The following TMEM272 variants were observed in gnomAD, a reference collection of about 807,000 sequenced individuals.
The protein encoded by TMEM272 is long intergenic non-protein coding RNA 282.
A neutral mutation model predicts 3.7 loss-of-function variants in TMEM272; 8 were observed. The ratio of observed to expected loss-of-function variants is 2.17; its 90% CI spans 1.27 to 3.91. TMEM272 has a LOEUF of 3.91. TMEM272 is among the 30% of genes most tolerant of loss of function. TMEM272 has a pLI of 0.00. For missense variants in TMEM272, 166 were observed against 91.5 expected, an observed-to-expected ratio of 1.81 and a Z score of -3.32; for synonymous variants, 63 against 39.8, an observed-to-expected ratio of 1.58 and a Z score of -2.20.
chr13:51,889,705 G>C, the TMEM272 span, among the ~76,000 whole-genome samples: 1 of 151,990 alleles, frequency 6.6e-6, no homozygotes, highest in African/African-American at 2.4e-5. Flanking sequence ...GCAATGGTGC[G>C]ATCCCGGCTC....
chr13:51,892,112 C>T, the TMEM272 span, among the ~76,000 whole-genome samples: 1 of 152,098 alleles, frequency 6.6e-6, no homozygotes, highest in East Asian at 1.9e-4. Flanking sequence ...CTGAAAGGCT[C>T]TCCTTTCCCT....
the TMEM272 span, among the ~76,000 whole-genome samples, chr13:51,906,217 C>T: frequency 1.3e-5 from 2 of 152,182 alleles, no homozygotes; most frequent in South Asian, 2.1e-4. Flanking sequence ...CTCCCTGAGG[C>T]ATCTAATTCA....
chr13:51,853,504 T>C, the TMEM272 span, among the ~76,000 whole-genome samples: 20 of 152,238 alleles, frequency 1.3e-4, 2 homozygotes, highest in South Asian at 3.5e-3. Flanking sequence ...CGTCTTCACA[T>C]TGAGTAGGTT....
At chr13:51,850,752 T>C in the TMEM272 span, among the ~76,000 whole-genome samples, 1 of 152,240 alleles carries the variant, frequency 6.6e-6, no homozygotes, top group South Asian at 2.1e-4. Flanking sequence ...ATTTGATTTT[T>C]ATCATTGTAT....
At chr13:51,872,414 A>AG in the TMEM272 span, among the ~76,000 whole-genome samples, 1 of 152,138 alleles carries the variant, frequency 6.6e-6, no homozygotes, top group South Asian at 2.1e-4. Flanking sequence ...AGAGAGAGAG[A>AG]GGCTTAGACC....
chr13:51,854,974 G>A, the TMEM272 span, among the ~76,000 whole-genome samples: 1 of 152,134 alleles, frequency 6.6e-6, no homozygotes, highest in Admixed American at 6.5e-5. Flanking sequence ...AACAACATGA[G>A]GAACTGGACA....
chr13:51,826,617 C>T lies in TMEM272; in HGVS notation c.67G>A (p.Val23Ile), dbSNP rs1201287087. The T allele has an allele frequency of 2.8e-6, 2 of 702,560 alleles. No individual in the cohort carries two copies. The highest frequency in any genetic ancestry group is 2.6e-6 in the Non-Finnish European group (1 of 385,010). The allele number at this position is 702,560 out of a possible 1,614,324, so 43.5% of individuals were successfully genotyped here. Residue 23 changes from valine (V) to isoleucine (I), a missense_variant, in exon 3 of 5, where the codon GTT becomes ATT. Val to Ile is a conservative substitution (Grantham distance 29). Transcript: ENST00000629372. ...GCCAGGAAAGCACAGAGCACAACAACGAAGCAGGCTGCAAGGAGAAGAAGG... is the reference window on the plus strand; with the variant it reads ...GCCAGGAAAGCACAGAGCACAACAATGAAGCAGGCTGCAAGGAGAAGAAGG... The part of the protein sequence containing the change: ...ISKIASNACF[V>I]VVLCAFLALP...
chr13:51,881,351 T>C, the TMEM272 span, among the ~76,000 whole-genome samples: 4 of 140,718 alleles, frequency 2.8e-5, no homozygotes, highest in Non-Finnish European at 6.2e-5. Flanking sequence ...TTTATTATAT[T>C]ATAATAACTC....
intron 1 of TMEM272, among the ~76,000 whole-genome samples, chr13:51,844,212 G>GTA (rs776986629): frequency 4.0e-5 from 6 of 150,966 alleles, no homozygotes; most frequent in African/African-American, 1.5e-4. Flanking sequence ...ATATATATAT[G>GTA]TATATATATG....
At chr13:51,873,301 C>T in the TMEM272 span, among the ~76,000 whole-genome samples, 1 of 152,022 alleles carries the variant, frequency 6.6e-6, no homozygotes, top group Admixed American at 6.6e-5. Context: ...TACTACATAC[C>T]CAGCTGTGAA....
chr13:51,918,396 AG>A, the TMEM272 span, among the ~76,000 whole-genome samples: 1 of 152,238 alleles, frequency 6.6e-6, no homozygotes, highest in Non-Finnish European at 1.5e-5. Context: ...GGCAGTATGA[AG>A]GGGTGGAAAG....
At chr13:51,863,149 G>A in the TMEM272 span, among the ~76,000 whole-genome samples, 9 of 152,234 alleles carry the variant, frequency 5.9e-5, no homozygotes, top group Non-Finnish European at 1.0e-4. Context: ...ACACAGGCAG[G>A]AAACTGCAGG....
chr13:51,921,994 T>C, the TMEM272 span, among the ~76,000 whole-genome samples: 1 of 152,168 alleles, frequency 6.6e-6, no homozygotes. Flanking sequence ...TTTATACGTG[T>C]GGGTTGTGCT....
chr13:51,819,403 G>A (rs116391824), intron 4 of TMEM272, among the ~76,000 whole-genome samples: 1,722 of 152,222 alleles, frequency 0.011, 41 homozygotes, highest in African/African-American at 0.04. Flanking sequence ...TTCCTTGCAG[G>A]GCCCCATTCC....
At chr13:51,918,631 T>G in the TMEM272 span, among the ~76,000 whole-genome samples, 1 of 152,092 alleles carries the variant, frequency 6.6e-6, no homozygotes, top group East Asian at 1.9e-4. Context: ...TTTTATTTAT[T>G]TAGTTAGTCT....
chr13:51,932,331 C>T, the TMEM272 span: 1 of 152,238 alleles, frequency 6.6e-6, no homozygotes, highest in Non-Finnish European at 1.5e-5. Context: ...TGTTTGAGAA[C>T]AGCCTTTTGC....
chr13:51,928,368 G>C, the TMEM272 span, among the ~76,000 whole-genome samples: 1 of 152,202 alleles, frequency 6.6e-6, no homozygotes, highest in Non-Finnish European at 1.5e-5. Context: ...CTCCGGATGT[G>C]CCGGGCACTA....
the TMEM272 span, among the ~76,000 whole-genome samples, chr13:51,862,411 T>A: frequency 2.0e-5 from 3 of 152,372 alleles, no homozygotes; most frequent in East Asian, 1.9e-4. Context: ...TACTTTATAT[T>A]TTAATACACA....
At chr13:51,882,347 A>G in the TMEM272 span, among the ~76,000 whole-genome samples, 26 of 152,354 alleles carry the variant, frequency 1.7e-4, no homozygotes, top group Middle Eastern at 6.8e-3. Context: ...AAAGCTGTAT[A>G]TGTTATCCCC....
Sources: gnomAD v4.1 joint callset for allele counts (sites outside exome capture counted in the v4.1 genomes callset) on GRCh38, gnomAD v4.1.1 for gene constraint, MANE v1.5 for transcripts, NCBI Gene and HGNC (gene_info 2026-07-23, HGNC 2026-07-21) for gene names.